The following KIAA0040 variants were observed in gnomAD, a reference collection of about 807,000 sequenced individuals.
The protein encoded by KIAA0040 is uncharacterized protein KIAA0040.
A neutral mutation model predicts 7.2 loss-of-function variants in KIAA0040; 10 were observed. The observed-to-expected ratio is 1.38, with a 90% CI of 0.85 to 2.34. The LOEUF (loss-of-function observed/expected upper bound fraction) is 2.34, where lower values mean the gene tolerates loss of function less well. KIAA0040 is among the 30% of genes most tolerant of loss of function. The probability of loss-of-function intolerance (pLI) is 0.00; values close to 1 mark genes in which losing one functional copy is unlikely to be tolerated. For synonymous variants in KIAA0040, 49 were observed against 40.1 expected, an observed-to-expected ratio of 1.22 and a Z score of -0.84; for missense variants, 89 against 108.2, an observed-to-expected ratio of 0.82 and a Z score of 0.79.
At chr1:175,168,801 T>C (rs1676872869) in intron 2 of KIAA0040, among the ~76,000 whole-genome samples, 2 of 152,206 alleles carry the variant, frequency 1.3e-5, no homozygotes, top group Admixed American at 1.3e-4. Flanking sequence ...CCATATTCTC[T>C]TTCTGAGCAC....
intron 1 of KIAA0040, among the ~76,000 whole-genome samples, chr1:175,190,669 C>T (rs1677834241): frequency 6.6e-6 from 1 of 152,230 alleles, no homozygotes; most frequent in South Asian, 2.1e-4. Flanking sequence ...TTCCTAAAAT[C>T]CATTCCTTTT....
At chr1:175,165,579 T>C (rs575125527) in intron 3 of KIAA0040, among the ~76,000 whole-genome samples, 1 of 152,354 alleles carries the variant, frequency 6.6e-6, no homozygotes, top group African/African-American at 2.4e-5. Flanking sequence ...GGTCTGTGGC[T>C]GTTGCTCTAG....
intron 1 of KIAA0040, among the ~76,000 whole-genome samples, chr1:175,180,409 C>T (rs1677390568): frequency 6.6e-6 from 1 of 152,220 alleles, no homozygotes; most frequent in Non-Finnish European, 1.5e-5. Flanking sequence ...AATAAAAGAT[C>T]ATGTGCCAAT....
At chr1:175,169,050 G>A (rs1222072269) in intron 2 of KIAA0040, among the ~76,000 whole-genome samples, 1 of 152,228 alleles carries the variant, frequency 6.6e-6, no homozygotes, top group African/African-American at 2.4e-5. Context: ...TGACCACAGT[G>A]AAAAATGAAA....
At position 175,160,308 on chromosome 1, in the gene KIAA0040, C is replaced by T. The variant is rs144680010; in HGVS notation, c.*406G>A. On this transcript the variant is annotated 3_prime_UTR_variant, in exon 4 of 4. Coordinates refer to ENST00000423313, the MANE Select transcript of KIAA0040 (RefSeq NM_014656.3). ...CTGCACAAAGTACATAGCCAATGACCATTTGATGAGCAGAATATACTTGCC... is the reference window on the plus strand; with the variant it reads ...CTGCACAAAGTACATAGCCAATGACTATTTGATGAGCAGAATATACTTGCC... 388 of 188,054 alleles carry T rather than the reference C, an allele frequency of 2.1e-3. No individual in the cohort carries two copies. Among genetic ancestry groups the T allele is most frequent in the Non-Finnish European group, 3.0e-3 (267 of 89,862 alleles). The allele number at this position is 188,054 out of a possible 1,614,324, so 11.6% of individuals were successfully genotyped here.
At chr1:175,176,170 C>A (rs1266616398) in intron 2 of KIAA0040, among the ~76,000 whole-genome samples, 2 of 152,112 alleles carry the variant, frequency 1.3e-5, no homozygotes, top group Admixed American at 6.5e-5. Flanking sequence ...CATTTACAGG[C>A]TGGAATAGCT....
chr1:175,167,663 G>T (rs770026183), intron 2 of KIAA0040, among the ~76,000 whole-genome samples: 24 of 152,126 alleles, frequency 1.6e-4, no homozygotes, highest in Non-Finnish European at 1.2e-4. Flanking sequence ...AGGGTGTAGG[G>T]GGAGGAAATG....
chr1:175,159,407 C>T lies in KIAA0040; in HGVS notation c.*1307G>A, dbSNP rs34270511. On this transcript the variant is annotated 3_prime_UTR_variant, in exon 4 of 4. Transcript: ENST00000423313. ...AGAAGAGAAGATCACTCGGGGAGAACTGGTGAGGTATTACAAGCTTACCCT... is the reference window on the plus strand; with the variant it reads ...AGAAGAGAAGATCACTCGGGGAGAATTGGTGAGGTATTACAAGCTTACCCT... 0.4 allele frequency: 61,201 copies of T among 151,618 alleles called. 12,689 individuals are homozygous for T. The highest frequency in any genetic ancestry group is 0.45 in the Non-Finnish European group (30,650 of 67,716). The allele number at this position is 151,618 out of a possible 1,614,324, so 9.4% of individuals were successfully genotyped here.
chr1:175,190,863 A>G (rs1439370786), intron 1 of KIAA0040, among the ~76,000 whole-genome samples: 5 of 152,346 alleles, frequency 3.3e-5, no homozygotes, highest in Admixed American at 1.3e-4. Context: ...TCAGTCTAGC[A>G]GTGTAATTCC....
At chr1:175,186,500 C>A (rs1677664255) in intron 1 of KIAA0040, among the ~76,000 whole-genome samples, 1 of 152,200 alleles carries the variant, frequency 6.6e-6, no homozygotes, top group Non-Finnish European at 1.5e-5. Context: ...GAACTTCTTC[C>A]TCTGTGGCAC....
intron 1 of KIAA0040, among the ~76,000 whole-genome samples, chr1:175,180,190 T>A (rs1443964134): frequency 6.6e-6 from 1 of 152,212 alleles, no homozygotes; most frequent in African/African-American, 2.4e-5. Context: ...ACCTACATTG[T>A]CACCACAACC....
chr1:175,175,603 A>G (rs1255356646), intron 2 of KIAA0040, among the ~76,000 whole-genome samples: 1 of 152,184 alleles, frequency 6.6e-6, no homozygotes, highest in Non-Finnish European at 1.5e-5. Flanking sequence ...ACTATTCACA[A>G]TAGCAAAGAC....
At chr1:175,188,284 T>C (rs1677740133) in intron 1 of KIAA0040, among the ~76,000 whole-genome samples, 1 of 152,128 alleles carries the variant, frequency 6.6e-6, no homozygotes, top group African/African-American at 2.4e-5. Flanking sequence ...CTGGTCTCCA[T>C]TAAATGTCCA....
chr1:175,179,389 T>C (rs919843227), intron 1 of KIAA0040, among the ~76,000 whole-genome samples: 1 of 152,044 alleles, frequency 6.6e-6, no homozygotes, highest in Admixed American at 6.6e-5. Context: ...AGGATTAAGC[T>C]CCCACCCATG....
At chr1:175,176,669 CTTTTTTTT>C (rs34859478) in intron 2 of KIAA0040, among the ~76,000 whole-genome samples, 19 of 27,456 alleles carry the variant, frequency 6.9e-4, no homozygotes, top group South Asian at 3.6e-3. Context: ...AAGTAGCATG[CTTTTTTTT>C]TTTTTTTTTT....
Position 175,160,836 on chromosome 1 carries a change from G to A in KIAA0040, c.178C>T (p.Gln60Ter). The A allele has an allele frequency of 6.4e-7, 1 of 1,550,724 alleles. No individual in the cohort carries two copies. The highest frequency in any genetic ancestry group is 1.4e-5 in the African/African-American group (1 of 72,758). The part of the protein sequence containing the change: ...CCWSPPGKRG[Q>*]QPEKNKKKKK... ...TTCTTCTTGTTCTTCTCTGGCTGCT[G>A]GCCCCTCTTGCCTGGTGGGCTCCAG... The change falls in exon 4 of 4, where the codon CAG (glutamine) becomes TAG (stop). Residue 60 changes from glutamine (Q) to a stop codon, truncating the protein, a stop_gained. Transcript: ENST00000423313. LOFTEE classifies it high-confidence loss of function.
chr1:175,159,840 C>T lies in KIAA0040; in HGVS notation c.*874G>A. The stretch of plus-strand genomic sequence containing the variant: ...CACCACCAAGAGCTCTTTGTTCTTG[C>T]TTGGAGAAAGGCACTTTGCTGAGTG... On this transcript the variant is annotated 3_prime_UTR_variant, in exon 4 of 4. Coordinates refer to ENST00000423313, the MANE Select transcript of KIAA0040 (RefSeq NM_014656.3). 1 of 152,160 alleles carries T rather than the reference C, an allele frequency of 6.6e-6. No homozygotes were observed. The highest frequency in any genetic ancestry group is 1.9e-4 in the East Asian group (1 of 5,180). 9.4% of individuals were successfully genotyped at this position (152,160 alleles called of 1,614,324 possible).
intron 2 of KIAA0040, among the ~76,000 whole-genome samples, chr1:175,173,266 C>T (rs1329608039): frequency 6.6e-6 from 1 of 152,186 alleles, no homozygotes; most frequent in African/African-American, 2.4e-5. Context: ...TTAGATACTT[C>T]AGGAGGCCAA....
At chr1:175,174,818 T>TATAC (rs3835505) in intron 2 of KIAA0040, among the ~76,000 whole-genome samples, 23,059 of 151,632 alleles carry the variant, frequency 0.15, 1,991 homozygotes, top group East Asian at 0.25. Flanking sequence ...TATATATATA[T>TATAC]ACACATACAT....
Sources: allele counts gnomAD v4.1 joint callset (sites outside exome capture counted in the v4.1 genomes callset), GRCh38; gene constraint gnomAD v4.1.1; transcripts MANE v1.5; gene names NCBI Gene and HGNC (gene_info 2026-07-23, HGNC 2026-07-21).